The following SORCS3 variants were observed in gnomAD, a reference collection of about 807,000 sequenced individuals.
SORCS3 encodes VPS10 domain-containing receptor SorCS3.
Under a neutral mutation model 146.3 loss-of-function variants are expected in SORCS3, and 57 were observed. The ratio of observed to expected loss-of-function variants is 0.39; its 90% confidence interval spans 0.31 to 0.49. The LOEUF (loss-of-function observed/expected upper bound fraction) is 0.49, where lower values mean the gene tolerates loss of function less well. SORCS3 is among the 20% of genes least tolerant of loss of function. The probability of loss-of-function intolerance (pLI) is 0.92; values close to 1 mark genes in which losing one functional copy is unlikely to be tolerated. For synonymous variants in SORCS3, 653 were observed against 618.5 expected, an observed-to-expected ratio of 1.06 and a Z score of -0.83; for missense variants, 1,341 against 1,575.5, an observed-to-expected ratio of 0.85 and a Z score of 2.52.
intron 1 of SORCS3, among the ~76,000 whole-genome samples, chr10:104,756,599 G>A (rs72815604): frequency 0.037 from 5,600 of 152,244 alleles, 164 homozygotes; most frequent in Admixed American, 0.096. Context: ...TATCAGCTGG[G>A]GTTTGAATGG....
At chr10:105,182,000 A>G (rs1439404504) in intron 14 of SORCS3, among the ~76,000 whole-genome samples, 1 of 152,152 alleles carries the variant, frequency 6.6e-6, no homozygotes, top group Non-Finnish European at 1.5e-5. Context: ...CTTTCCTGAT[A>G]AGAAATGTTT....
chr10:105,147,821 C>G, intron 9 of SORCS3, 25 bp downstream of exon 9: 3 of 1,594,742 alleles, frequency 1.9e-6, no homozygotes, highest in Non-Finnish European at 1.7e-6. Flanking sequence ...TTCTCCTTCC[C>G]TTGGGTCTGT....
intron 7 of SORCS3, among the ~76,000 whole-genome samples, chr10:105,114,991 A>G (rs2055883660): frequency 6.6e-6 from 1 of 152,166 alleles, no homozygotes; most frequent in African/African-American, 2.4e-5. Context: ...TTCCAGAAGT[A>G]CTAGCAATTA....
chr10:105,262,191 T>C, intron 25 of SORCS3, 140 bp from the exon 26 acceptor site: 1 of 743,454 alleles, frequency 1.3e-6, no homozygotes, highest in Non-Finnish European at 2.2e-6. Context: ...CCTCATTGTC[T>C]CTGGGGTTAC....
At chr10:105,142,574 A>G (rs1388145431) in intron 8 of SORCS3, among the ~76,000 whole-genome samples, 2 of 152,212 alleles carry the variant, frequency 1.3e-5, no homozygotes, top group African/African-American at 4.8e-5. Flanking sequence ...AGCTGAAGCA[A>G]GCATGGCAAT....
intron 2 of SORCS3, among the ~76,000 whole-genome samples, chr10:104,912,736 A>C (rs188017233): frequency 3.9e-4 from 60 of 152,344 alleles, no homozygotes; most frequent in Admixed American, 7.8e-4. Context: ...AGCTGTTAAA[A>C]ACATGGTTCT....
intron 7 of SORCS3, among the ~76,000 whole-genome samples, chr10:105,136,751 G>A (rs2056061413): frequency 6.6e-6 from 1 of 152,194 alleles, no homozygotes; most frequent in African/African-American, 2.4e-5. Flanking sequence ...GACAAAGGGA[G>A]ATTGGCAGGA....
At chr10:105,147,556 A>G in intron 8 of SORCS3, 61 bp from the exon 9 acceptor site, 1 of 1,428,640 alleles carries the variant, frequency 7.0e-7, no homozygotes, top group Non-Finnish European at 9.5e-7. Context: ...ATTACTTGGC[A>G]TCCCAATGGG....
chr10:104,699,698 GCT>G lies in SORCS3; in HGVS notation c.627+57745_627+57746del, dbSNP rs563487169. ...TATTAGGTAAAAGGAGGAGAAAGGG[GCT>G]ATGATATGGGGTCTTTAATGTCAGT... On this transcript the variant is annotated intron_variant, in intron 1 of 26. Transcript: ENST00000369701. Among the ~76,000 whole-genome samples, 22 of 152,274 alleles carry G rather than the reference GCT, an allele frequency of 1.4e-4. No individual in the cohort carries two copies. In the South Asian group the frequency reaches 4.4e-3, roughly 30 times the overall value.
At chr10:105,145,667 C>T (rs927639357) in intron 8 of SORCS3, among the ~76,000 whole-genome samples, 25 of 152,124 alleles carry the variant, frequency 1.6e-4, no homozygotes, top group African/African-American at 5.8e-4. Flanking sequence ...ACCAACACAA[C>T]ACGACTTCAT....
At chr10:104,982,692 CATT>C (rs1554864983) in intron 4 of SORCS3, among the ~76,000 whole-genome samples, 2 of 152,224 alleles carry the variant, frequency 1.3e-5, no homozygotes, top group Non-Finnish European at 2.9e-5. Flanking sequence ...ACAGGTGTCT[CATT>C]AGTACAATGG....
intron 1 of SORCS3, among the ~76,000 whole-genome samples, chr10:104,743,430 A>C (rs1189322083): frequency 6.6e-6 from 1 of 152,180 alleles, no homozygotes; most frequent in Non-Finnish European, 1.5e-5. Context: ...GGGAATGCAA[A>C]AGTCTTCTTT....
At chr10:104,930,654 A>T (rs933709861) in intron 3 of SORCS3, among the ~76,000 whole-genome samples, 1 of 152,228 alleles carries the variant, frequency 6.6e-6, no homozygotes, top group Non-Finnish European at 1.5e-5. Flanking sequence ...AGTAAGCATC[A>T]GTGCCAAGCA....
At chr10:104,676,464 A>G (rs2015914325) in intron 1 of SORCS3, among the ~76,000 whole-genome samples, 1 of 152,246 alleles carries the variant, frequency 6.6e-6, no homozygotes, top group Non-Finnish European at 1.5e-5. Flanking sequence ...TGATGATAAC[A>G]TGGGTAAGAA....
intron 8 of SORCS3, among the ~76,000 whole-genome samples, chr10:105,147,348 C>A (rs1284852842): frequency 6.6e-6 from 1 of 151,912 alleles, no homozygotes; most frequent in African/African-American, 2.4e-5. Context: ...TTAGGTATAA[C>A]AATAAAAAAT....
At chr10:104,892,877 T>A (rs1424323779) in intron 2 of SORCS3, among the ~76,000 whole-genome samples, 2 of 152,202 alleles carry the variant, frequency 1.3e-5, no homozygotes, top group Admixed American at 6.5e-5. Context: ...TTGCTCACTG[T>A]ATTTCAGCCT....
chr10:105,004,961 A>G (rs933436334), intron 4 of SORCS3, among the ~76,000 whole-genome samples: 2 of 152,200 alleles, frequency 1.3e-5, no homozygotes, highest in Admixed American at 6.5e-5. Flanking sequence ...GCAACCATGA[A>G]TATGGAAAGG....
At chr10:104,787,233 C>T (rs189396152) in intron 1 of SORCS3, among the ~76,000 whole-genome samples, 18 of 152,236 alleles carry the variant, frequency 1.2e-4, no homozygotes, top group Non-Finnish European at 2.4e-4. Context: ...GGAGGATAAT[C>T]ATATTCTTGG....
intron 12 of SORCS3, 79 bp from the exon 13 acceptor site, chr10:105,167,179 G>T (rs1019967870): frequency 2.6e-6 from 3 of 1,134,608 alleles, no homozygotes; most frequent in Admixed American, 2.0e-5. Context: ...AACAATATAT[G>T]TGAAAGACTG....
Sources: allele counts gnomAD v4.1 joint callset (sites outside exome capture counted in the v4.1 genomes callset), GRCh38; gene constraint gnomAD v4.1.1; transcripts MANE v1.5; gene names NCBI Gene and HGNC (gene_info 2026-07-23, HGNC 2026-07-21).